LDLRAD4: variants seen among roughly 807,000 people sequenced by gnomAD.
LDLRAD4 encodes low density lipoprotein receptor class A domain containing 4.
A neutral mutation model predicts 17.0 loss-of-function variants in LDLRAD4; 5 were observed. The ratio of observed to expected loss-of-function variants is 0.29; its 90% CI spans 0.15 to 0.62. The LOEUF (loss-of-function observed/expected upper bound fraction) is 0.62, where lower values mean the gene tolerates loss of function less well. Among genes scored for constraint, LDLRAD4 ranks in the 20% least tolerant of loss-of-function variants. The probability of loss-of-function intolerance (pLI) is 0.84; values close to 1 mark genes in which losing one functional copy is unlikely to be tolerated. For missense variants in LDLRAD4, 340 were observed against 424.7 expected (o/e 0.80, Z 1.75); for synonymous variants, 168 against 171.8 (o/e 0.98, Z 0.17).
intron 1 of LDLRAD4, among the ~76,000 whole-genome samples, chr18:13,269,975 G>A (rs1317054609): frequency 6.6e-6 from 1 of 152,170 alleles, no homozygotes. Context: ...TATTTGTAGA[G>A]GAGTCAAGGC....
At chr18:13,494,429 C>T (rs1485006686) in intron 3 of LDLRAD4, among the ~76,000 whole-genome samples, 1 of 151,678 alleles carries the variant, frequency 6.6e-6, no homozygotes, top group Non-Finnish European at 1.5e-5. Context: ...ACTCTAAAGC[C>T]CTTGTCTCAA....
intron 1 of LDLRAD4, among the ~76,000 whole-genome samples, chr18:13,271,424 G>T (rs2044533087): frequency 6.6e-6 from 1 of 152,136 alleles, no homozygotes; most frequent in Non-Finnish European, 1.5e-5. Flanking sequence ...ATTCCCACTG[G>T]GGGGCTTCCA....
chr18:13,626,942 C>A (rs1345322211), intron 4 of LDLRAD4, among the ~76,000 whole-genome samples: 1 of 152,354 alleles, frequency 6.6e-6, no homozygotes, highest in Non-Finnish European at 1.5e-5. Context: ...CCTGGTTTGC[C>A]CCACAGGGTG....
intron 1 of LDLRAD4, among the ~76,000 whole-genome samples, chr18:13,299,487 A>C (rs932247610): frequency 6.6e-6 from 1 of 152,306 alleles, no homozygotes; most frequent in South Asian, 2.1e-4. Flanking sequence ...GTTTGAGACT[A>C]AAGCCCTCTG....
At position 13,473,678 on chromosome 18, in the gene LDLRAD4, T is replaced by TATATATATATATATAA. The variant is rs374731826; in HGVS notation, c.181+35295_181+35296insTATATATATATATAAA. 8.4e-4 allele frequency among the ~76,000 whole-genome samples: 67 copies of TATATATATATATATAA among 79,950 alleles called. 9 individuals carry two copies. The highest frequency in any genetic ancestry group is 8.2e-3 in the Middle Eastern group (1 of 122). 52.5% of individuals were successfully genotyped at this position (79,950 alleles called of 152,430 possible). On this transcript the variant is annotated intron_variant, in intron 3 of 5. Transcript: ENST00000359446. ...ATATATATATATATATATATATATATAACGTTTACATTTTATATATATTTA... is the reference window on the plus strand; with the variant it reads ...ATATATATATATATATATATATATATATATATATATATATAAAACGTTTACATTTTATATATATTTA...
At chr18:13,525,534 C>G (rs1194457182) in intron 3 of LDLRAD4, among the ~76,000 whole-genome samples, 2 of 152,258 alleles carry the variant, frequency 1.3e-5, no homozygotes, top group Non-Finnish European at 2.9e-5. Flanking sequence ...ACCAATGTCA[C>G]TGGAAGTTGA....
upstream of LDLRAD4, among the ~76,000 whole-genome samples, chr18:13,276,460 A>C (rs1482770591): frequency 6.6e-6 from 1 of 152,222 alleles, no homozygotes. Context: ...GGCTGTAGTC[A>C]AGGTGTTGGC....
rs571447410 is a variant in LDLRAD4, at chr18:13,650,705, G to T, written c.*5048G>T. On this transcript the variant is annotated 3_prime_UTR_variant, in exon 6 of 6. Coordinates refer to ENST00000359446, the Ensembl canonical transcript of LDLRAD4. ...TACCCAATGGGTAGAACAAAAAGTT[G>T]TTAATACTGTAATATAATGTATAGA... is the stretch of plus-strand genomic sequence containing the variant. 4.3e-5 allele frequency: 9 copies of T among 209,142 alleles called. No homozygotes were observed. The South Asian group carries it at 1.7e-3, about 39-fold the overall frequency. 13.0% of individuals were successfully genotyped at this position (209,142 alleles called of 1,614,324 possible).
Position 13,606,352 on chromosome 18 carries a change from A to G in LDLRAD4, c.182-14765A>G, listed in dbSNP as rs8090161. Among the ~76,000 whole-genome samples the G allele has an allele frequency of 5.4e-3, 821 of 152,348 alleles. 4 individuals are homozygous for G. The highest frequency in any genetic ancestry group is 0.019 in the African/African-American group (773 of 41,576). On this transcript the variant is annotated intron_variant, in intron 3 of 5. Coordinates refer to ENST00000359446, the Ensembl canonical transcript of LDLRAD4. ...CTTAGTAGCATAGATAATGTGTAAC[A>G]TAAACTCAAATCTGCTAATTCAGGG...
At chr18:13,263,367 C>G (rs529935315) in intron 1 of LDLRAD4, among the ~76,000 whole-genome samples, 1 of 152,184 alleles carries the variant, frequency 6.6e-6, no homozygotes, top group African/African-American at 2.4e-5. Flanking sequence ...GCATCCTGTG[C>G]GACTCTATGT....
At chr18:13,320,831 C>T (rs116215014) in intron 1 of LDLRAD4, among the ~76,000 whole-genome samples, 1,786 of 152,192 alleles carry the variant, frequency 0.012, 37 homozygotes, top group African/African-American at 0.04. Flanking sequence ...TCTGGTAGAC[C>T]GTGTTCAAGT....
intron 1 of LDLRAD4, among the ~76,000 whole-genome samples, chr18:13,381,240 A>G (rs1342670917): frequency 6.6e-6 from 1 of 151,440 alleles, no homozygotes; most frequent in Admixed American, 6.6e-5. Flanking sequence ...GCTAATTTTT[A>G]TATTTTTAGT....
At chr18:13,244,405 A>G (rs2042855283) in intron 1 of LDLRAD4, among the ~76,000 whole-genome samples, 1 of 152,024 alleles carries the variant, frequency 6.6e-6, no homozygotes, top group Admixed American at 6.6e-5. Flanking sequence ...CTACTCATTC[A>G]TCTGCACATC....
Position 13,367,804 on chromosome 18 carries a change from G to A in LDLRAD4, c.-382-19537G>A, listed in dbSNP as rs2144772392. 6.6e-6 allele frequency among the ~76,000 whole-genome samples: 1 copy of A among 152,088 alleles called. No individual in the cohort carries two copies. The highest frequency in any genetic ancestry group is 1.5e-5 in the Non-Finnish European group (1 of 67,960). On this transcript the variant is annotated intron_variant, in intron 1 of 5. Transcript: ENST00000359446. The surrounding 1 kb of genome is among the most constrained non-coding windows in gnomAD (Gnocchi z 4.1). ...CGGGGCCTGGGGGCACGTGCTTTCA[G>A]GGGATGTACTGAGAGAGAGGGGACA...
intron 3 of LDLRAD4, among the ~76,000 whole-genome samples, chr18:13,512,707 C>T (rs1648584): frequency 0.55 from 83,145 of 152,042 alleles, 25,090 homozygotes; most frequent in South Asian, 0.7. Flanking sequence ...TCTGCCTCCT[C>T]CCTCCTCTAA....
chr18:13,240,682 T>G (rs768426801), intron 1 of LDLRAD4: 1 of 152,346 alleles, frequency 6.6e-6, no homozygotes, highest in Non-Finnish European at 1.5e-5. Context: ...TCTAATGGAC[T>G]GTGCAGGCAT....
At chr18:13,587,460 C>T (rs1373360094) in intron 3 of LDLRAD4, among the ~76,000 whole-genome samples, 1 of 152,180 alleles carries the variant, frequency 6.6e-6, no homozygotes, top group Non-Finnish European at 1.5e-5. Context: ...AGAAAGGACC[C>T]CAGTCACCCT....
At chr18:13,396,281 G>C (rs2086688775) in intron 2 of LDLRAD4, among the ~76,000 whole-genome samples, 1 of 151,694 alleles carries the variant, frequency 6.6e-6, no homozygotes, top group Non-Finnish European at 1.5e-5. Flanking sequence ...GCCCTAGCTG[G>C]GCGTGTAATT....
chr18:13,274,903 C>T (rs1178938471), upstream of LDLRAD4, among the ~76,000 whole-genome samples: 2 of 152,108 alleles, frequency 1.3e-5, no homozygotes, highest in African/African-American at 2.4e-5. Context: ...GTGGTGTGCA[C>T]ATGTAGTCCT....
Sources: allele counts gnomAD v4.1 joint callset (sites outside exome capture counted in the v4.1 genomes callset), GRCh38; gene constraint gnomAD v4.1.1; non-coding constraint Gnocchi (gnomAD v3.1); transcripts MANE v1.5; gene names NCBI Gene and HGNC (gene_info 2026-07-23, HGNC 2026-07-21).